Variants in FAM186A observed in about 807,000 individuals in gnomAD.
FAM186A encodes the protein family with sequence similarity 186 member A.
In FAM186A, 163 loss-of-function variants were observed where a neutral mutation model predicts 216.8. That is an observed-to-expected ratio of 0.75 (90% CI 0.66 to 0.86). The LOEUF is 0.86. Ranked by LOEUF, FAM186A falls within the 40% of genes least tolerant of loss-of-function variation. FAM186A has a pLI of 0.00. For synonymous variants in FAM186A, 805 were observed against 1,025.3 expected (o/e 0.79, Z 4.10); for missense variants, 2,184 against 2,746.2 (o/e 0.80, Z 4.58).
intron 1 of FAM186A, among the ~76,000 whole-genome samples, chr12:50,395,594 G>A (rs1380137215): frequency 6.6e-6 from 1 of 152,086 alleles, no homozygotes; most frequent in African/African-American, 2.4e-5. Flanking sequence ...ACAGGCATAA[G>A]CCACCGCACC....
At chr12:50,392,929 CT>C (rs71083560) in intron 1 of FAM186A, among the ~76,000 whole-genome samples, 110,524 of 128,720 alleles carry the variant, frequency 0.86, 48,632 homozygotes, top group Non-Finnish European at 0.98. Flanking sequence ...TACTTGTATA[CT>C]TTTTTTTTTT....
chr12:50,328,709 A>G (rs1355632314), intron 7 of FAM186A, among the ~76,000 whole-genome samples: 5 of 151,916 alleles, frequency 3.3e-5, no homozygotes, highest in Admixed American at 3.3e-4. Context: ...GGGTTTCACC[A>G]AGTTGGCCAG....
At chr12:50,335,745 G>A (rs1267943499) in intron 4 of FAM186A, among the ~76,000 whole-genome samples, 2 of 151,912 alleles carry the variant, frequency 1.3e-5, no homozygotes, top group Non-Finnish European at 2.9e-5. Context: ...AGGACACTAC[G>A]TTACTTGTAA....
At chr12:50,349,278 C>T (rs1942852023) in intron 4 of FAM186A, among the ~76,000 whole-genome samples, 1 of 151,078 alleles carries the variant, frequency 6.6e-6, no homozygotes, top group Non-Finnish European at 1.5e-5. Flanking sequence ...GTGGCGCGAT[C>T]TTGGTTTACT....
chr12:50,344,183 T>A (rs1177042392), intron 4 of FAM186A, among the ~76,000 whole-genome samples: 1 of 152,082 alleles, frequency 6.6e-6, no homozygotes, highest in East Asian at 1.9e-4. Flanking sequence ...TATTGCATGA[T>A]GCTGAGATTT....
In FAM186A at chr12:50,350,564, C is replaced by T. The variant is rs1942865763; in HGVS notation, c.6268G>A (p.Val2090Ile). The change falls in exon 4 of 8, where the codon GTA becomes ATA. Residue 2090 changes from valine (V) to isoleucine (I), a missense_variant. Physicochemically the swap from Val to Ile is conservative, Grantham distance 29. Around this residue, in one of 7 missense-constraint regions of FAM186A, gnomAD observed 721 missense variants for 816.4 expected, o/e 0.88. Transcript: ENST00000327337. The stretch of plus-strand genomic sequence containing the variant: ...TGAGGAGAGGAAGGGGGCACCATTA[C>T]TTTGGGTTTCTTGGTATCTGAAACT... ...SSVSDTKKPK[V>I]MVPPSSPQEL... 1.9e-6 allele frequency: 3 copies of T among 1,551,610 alleles called. No homozygotes were observed. The highest frequency in any genetic ancestry group is 1.2e-5 in the South Asian group (1 of 84,052).
At chr12:50,343,677 G>A (rs1286721146) in intron 4 of FAM186A, among the ~76,000 whole-genome samples, 1 of 152,114 alleles carries the variant, frequency 6.6e-6, no homozygotes, top group East Asian at 1.9e-4. Flanking sequence ...GGAGTGCAGT[G>A]GTGCAATCTC....
chr12:50,346,655 G>A (rs1942821463), intron 4 of FAM186A, among the ~76,000 whole-genome samples: 1 of 152,082 alleles, frequency 6.6e-6, no homozygotes, highest in African/African-American at 2.4e-5. Context: ...AGACCATCCT[G>A]GCTAACACGG....
At chr12:50,359,170 G>A (rs1351492290) in intron 3 of FAM186A, among the ~76,000 whole-genome samples, 1 of 151,758 alleles carries the variant, frequency 6.6e-6, no homozygotes, top group South Asian at 2.1e-4. Context: ...AGGCAGAGGC[G>A]GGTGGATCAC....
At chr12:50,348,118 C>T (rs1428139397) in intron 4 of FAM186A, among the ~76,000 whole-genome samples, 1 of 147,692 alleles carries the variant, frequency 6.8e-6, no homozygotes, top group Non-Finnish European at 1.5e-5. Context: ...AATCTCTGCT[C>T]ACTGCAACCT....
chr12:50,359,109 T>TAA (rs35391111), intron 3 of FAM186A, among the ~76,000 whole-genome samples: 1 of 149,578 alleles, frequency 6.7e-6, no homozygotes, highest in African/African-American at 2.5e-5. Context: ...ATGGCCATAA[T>TAA]AAAAAAAAAG....
chr12:50,370,450 T>C (rs1943133481), intron 1 of FAM186A, among the ~76,000 whole-genome samples: 1 of 152,010 alleles, frequency 6.6e-6, no homozygotes, highest in Non-Finnish European at 1.5e-5. Flanking sequence ...ACCACAATGA[T>C]ATACTACTTC....
Position 50,333,494 on chromosome 12 carries a change from T to G in FAM186A, c.6696+417A>C, listed in dbSNP as rs1475435421. 3.3e-5 allele frequency among the ~76,000 whole-genome samples: 5 copies of G among 151,826 alleles called. No individual in the cohort carries two copies. In the East Asian group the frequency reaches 9.7e-4, roughly 29 times the overall value. On this transcript the variant is annotated intron_variant, in intron 5 of 7. Transcript: ENST00000327337. Reference sequence around the variant, plus strand: ...TTGCACCGAGTCGAAATAGTGCCACTGTACTCCCTGGGAGACAGAGCAAGA... The same window carrying G: ...TTGCACCGAGTCGAAATAGTGCCACGGTACTCCCTGGGAGACAGAGCAAGA...
Position 50,393,932 on chromosome 12 carries a change from T to C in FAM186A, c.192+2361A>G, listed in dbSNP as rs1259847134. On this transcript the variant is annotated intron_variant, in intron 1 of 7. Transcript: ENST00000327337. The stretch of plus-strand genomic sequence containing the variant: ...TTATCGATATTTAGCACTCTTTTTT[T>C]CTGTGAGGCAGAGTCTTGCTCTGTC... 7.2e-5 allele frequency among the ~76,000 whole-genome samples: 11 copies of C among 152,176 alleles called. No individual in the cohort carries two copies. The East Asian group carries it at 2.1e-3, about 29-fold the overall frequency.
chr12:50,370,715 G>GTT, intron 1 of FAM186A, among the ~76,000 whole-genome samples: 1 of 152,170 alleles, frequency 6.6e-6, no homozygotes, highest in Admixed American at 6.5e-5. Context: ...TCATAGTGTC[G>GTT]TTATTCACAA....
rs1263770367 is a variant in FAM186A, at chr12:50,354,150, T to C, written c.2682A>G (p.Lys894=). 1.3e-6 allele frequency: 2 copies of C among 1,551,746 alleles called. No individual in the cohort carries two copies. The highest frequency in any genetic ancestry group is 2.0e-5 in the Admixed American group (1 of 50,996). ...QEEEMWKEEQ[K]QATPKQAEQE... ...GCTCAGCCTGCTTTGGAGTTGCCTG[T>C]TTTTGCTCTTCCTTCCACATCTCTT... Residue 894 remains lysine (K), a synonymous_variant, in exon 4 of 8, where the codon AAA becomes AAG. Coordinates refer to ENST00000327337, the MANE Select transcript of FAM186A (RefSeq NM_001145475.3).
chr12:50,378,193 C>T (rs571246688), intron 1 of FAM186A, among the ~76,000 whole-genome samples: 65 of 150,364 alleles, frequency 4.3e-4, no homozygotes, highest in African/African-American at 1.5e-3. Flanking sequence ...CATTACACTC[C>T]AGCCTCGACA....
chr12:50,372,286 A>G (rs964592861), intron 1 of FAM186A, among the ~76,000 whole-genome samples: 3 of 152,012 alleles, frequency 2.0e-5, no homozygotes, highest in African/African-American at 4.8e-5. Context: ...CAACTAATAC[A>G]TAGTATGGTG....
Position 50,357,708 on chromosome 12 carries a change from C to T in FAM186A, c.584-1460G>A, listed in dbSNP as rs114701390. Among the ~76,000 whole-genome samples the T allele has an allele frequency of 7.8e-3, 1,191 of 152,224 alleles. 15 individuals carry two copies. The highest frequency in any genetic ancestry group is 0.027 in the African/African-American group (1,139 of 41,516). ...AAAACTACCGAACCTCAGTAACAAA[C>T]AGGGAAAGTTTGCAAACTTGGAGTC... On this transcript the variant is annotated intron_variant, in intron 3 of 7. Coordinates refer to ENST00000327337, the MANE Select transcript of FAM186A (RefSeq NM_001145475.3).
Sources: allele counts gnomAD v4.1 joint callset (sites outside exome capture counted in the v4.1 genomes callset), GRCh38; gene constraint gnomAD v4.1.1; regional missense constraint gnomAD v4.1.1; transcripts MANE v1.5; gene names NCBI Gene and HGNC (gene_info 2026-07-23, HGNC 2026-07-21).